Variants in KLF8 observed in about 807,000 individuals in gnomAD.
KLF8 encodes the protein Krueppel-like factor 8.
Under a neutral mutation model 18.2 loss-of-function variants are expected in KLF8, and 10 were observed. The observed-to-expected ratio is 0.55, with a 90% confidence interval of 0.34 to 0.93. The LOEUF is 0.93. Among genes scored for constraint, KLF8 ranks in the 40% least tolerant of loss-of-function variants. The pLI, the probability that KLF8 is intolerant of heterozygous loss-of-function variation, is 0.02. For synonymous variants in KLF8, 109 were observed against 97.3 expected (o/e 1.12, Z -0.71); for missense variants, 264 against 277.9 (o/e 0.95, Z 0.36).
At chrX:56,035,985 C>G in the KLF8 span, among the ~76,000 whole-genome samples, 339 of 112,044 alleles carry the variant, frequency 3.0e-3, 3 homozygotes, top group South Asian at 0.013. Context: ...TGATATAATA[C>G]TATTTTTTAA....
chrX:56,256,036 T>C, intron 2 of KLF8, among the ~76,000 whole-genome samples: 1 of 111,750 alleles, frequency 8.9e-6, no homozygotes, highest in Non-Finnish European at 1.9e-5. Flanking sequence ...ACTAGGAGAC[T>C]TTTTATTATG....
At chrX:56,004,638 A>G in the KLF8 span, among the ~76,000 whole-genome samples, 1 of 111,328 alleles carries the variant, frequency 9.0e-6, no homozygotes, top group South Asian at 3.9e-4. Context: ...AAATAATTCA[A>G]TCATGCCCTC....
the KLF8 span, among the ~76,000 whole-genome samples, chrX:56,008,773 T>C: frequency 4.5e-5 from 5 of 112,039 alleles, no homozygotes; most frequent in East Asian, 1.4e-3. Context: ...GACTGGGCAG[T>C]TTGGAACCAG....
the KLF8 span, among the ~76,000 whole-genome samples, chrX:56,024,545 C>T: frequency 9.0e-6 from 1 of 111,334 alleles, no homozygotes; most frequent in Non-Finnish European, 1.9e-5. Flanking sequence ...GATCGGCAGA[C>T]TAATGTCTCA....
At position 56,284,917 on chromosome X, in the gene KLF8, G is replaced by A. The variant is rs994339496; in HGVS notation, c.*423G>A. 1.7e-5 allele frequency: 2 copies of A among 117,994 alleles called. No individual in the cohort carries two copies. The highest frequency in any genetic ancestry group is 6.4e-5 in the African/African-American group (2 of 31,091). The allele number at this position is 117,994 out of a possible 1,213,427, so 9.7% of individuals were successfully genotyped here. A position where few individuals can be genotyped will look rare whatever the true frequency, so the allele number is the denominator to read the frequency against. ...TTTTTAAAATAAGTACCTAAAAGTG[G>A]TTTGATAGTGTCCTAAACGACTTTT... On this transcript the variant is annotated 3_prime_UTR_variant, in exon 6 of 6. Transcript: ENST00000468660.
intron 2 of KLF8, among the ~76,000 whole-genome samples, chrX:56,261,411 A>G (rs1179365271): frequency 8.9e-6 from 1 of 112,038 alleles, no homozygotes; most frequent in Non-Finnish European, 1.9e-5. Flanking sequence ...ACTAGAGAAC[A>G]CTTAAAAACT....
chrX:56,157,924 G>A, the KLF8 span, among the ~76,000 whole-genome samples: 1 of 111,868 alleles, frequency 8.9e-6, no homozygotes, highest in Non-Finnish European at 1.9e-5. Context: ...TTTGTCTTTT[G>A]TTGCCATTGC....
chrX:56,054,004 A>C, the KLF8 span, among the ~76,000 whole-genome samples: 1 of 109,791 alleles, frequency 9.1e-6, no homozygotes, highest in Non-Finnish European at 1.9e-5. Context: ...TCTTCTTTTC[A>C]GTTCTGATTT....
At chrX:56,146,712 TAAAAAAA>T in the KLF8 span, among the ~76,000 whole-genome samples, 173 of 99,056 alleles carry the variant, frequency 1.7e-3, no homozygotes, top group African/African-American at 6.2e-3. Context: ...TAAAGTATAA[TAAAAAAA>T]AAAAAAGAAG....
At chrX:55,941,305 C>G in the KLF8 span, among the ~76,000 whole-genome samples, 1 of 112,237 alleles carries the variant, frequency 8.9e-6, no homozygotes, top group Non-Finnish European at 1.9e-5. Flanking sequence ...GCTAGGAAAA[C>G]TGGCTAGCCA....
chrX:56,156,620 T>C, the KLF8 span, among the ~76,000 whole-genome samples: 1 of 109,305 alleles, frequency 9.1e-6, no homozygotes, highest in East Asian at 2.9e-4. Context: ...AAGTGCACAA[T>C]GTGCAGGTTA....
the KLF8 span, among the ~76,000 whole-genome samples, chrX:56,068,318 GCTT>G: frequency 2.7e-5 from 3 of 110,493 alleles, no homozygotes; most frequent in Admixed American, 9.6e-5. Flanking sequence ...ACCTGTTAGA[GCTT>G]CTGGCCCGAC....
intron 1 of KLF8, among the ~76,000 whole-genome samples, chrX:56,233,835 T>G (rs914711909): frequency 4.5e-5 from 5 of 111,304 alleles, no homozygotes; most frequent in African/African-American, 6.5e-5. Context: ...AGGCACAGAG[T>G]GAGGCCTGGA....
the KLF8 span, among the ~76,000 whole-genome samples, chrX:56,078,115 T>G: frequency 8.9e-6 from 1 of 111,927 alleles, no homozygotes; most frequent in East Asian, 2.8e-4. Context: ...CCTCTTTTCC[T>G]AATGGAATTC....
At chrX:55,971,606 C>T in the KLF8 span, among the ~76,000 whole-genome samples, 2 of 110,196 alleles carry the variant, frequency 1.8e-5, no homozygotes, top group Non-Finnish European at 3.8e-5. Flanking sequence ...AAACAATCAA[C>T]GAAATGAAGA....
chrX:56,228,215 C>A (rs1423320932), upstream of KLF8, among the ~76,000 whole-genome samples: 2 of 112,274 alleles, frequency 1.8e-5, no homozygotes, highest in Non-Finnish European at 3.8e-5. Flanking sequence ...GAGACTCAAC[C>A]TAAAGCTGGT....
the KLF8 span, among the ~76,000 whole-genome samples, chrX:56,060,884 G>A: frequency 9.0e-6 from 1 of 111,438 alleles, no homozygotes; most frequent in Non-Finnish European, 1.9e-5. Context: ...TGTTATTGGT[G>A]TATTCAGGTA....
chrX:56,264,984 G>C (rs1006097248), intron 2 of KLF8, among the ~76,000 whole-genome samples, 196 bp from the exon 3 acceptor site: 1 of 111,571 alleles, frequency 9.0e-6, no homozygotes. Flanking sequence ...ACAATTGCCG[G>C]ATACAGTACC....
the KLF8 span, among the ~76,000 whole-genome samples, chrX:55,911,023 C>T: frequency 9.0e-6 from 1 of 111,663 alleles, no homozygotes; most frequent in Admixed American, 9.5e-5. Context: ...CTACAATTGA[C>T]CAGAAGCCTT....
Sources: allele counts gnomAD v4.1 joint callset (sites outside exome capture counted in the v4.1 genomes callset), GRCh38; gene constraint gnomAD v4.1.1; transcripts MANE v1.5; gene names NCBI Gene and HGNC (gene_info 2026-07-23, HGNC 2026-07-21).